PTPRD: variants seen among roughly 807,000 people sequenced by gnomAD.
The protein encoded by PTPRD is protein tyrosine phosphatase receptor type D.
Under a neutral mutation model 214.5 loss-of-function variants are expected in PTPRD, and 34 were observed. The observed-to-expected ratio is 0.16, with a 90% confidence interval of 0.12 to 0.21. PTPRD has a LOEUF of 0.21. PTPRD is among the 10% of genes least tolerant of loss of function. The pLI is 1.00. For missense variants in PTPRD, 2,545 were observed against 2,398.7 expected (o/e 1.06, Z -1.27); for synonymous variants, 1,128 against 845.7 (o/e 1.33, Z -5.79).
At chr9:9,343,642 AC>A (rs1285624799) in intron 9 of PTPRD, among the ~76,000 whole-genome samples, 1 of 152,212 alleles carries the variant, frequency 6.6e-6, no homozygotes, top group Non-Finnish European at 1.5e-5. Context: ...TCCAGTGTCA[AC>A]AAAATCAGAT....
chr9:8,937,370 C>T (rs369936130), intron 11 of PTPRD, among the ~76,000 whole-genome samples: 2 of 152,176 alleles, frequency 1.3e-5, no homozygotes, highest in East Asian at 3.8e-4. Context: ...TTTTCAGAAT[C>T]ACAGTTGAGT....
intron 9 of PTPRD, among the ~76,000 whole-genome samples, chr9:9,354,421 T>C (rs1053623919): frequency 2.0e-5 from 3 of 151,850 alleles, no homozygotes; most frequent in African/African-American, 7.2e-5. Context: ...TAAATGTATA[T>C]TTTATCATAC....
At chr9:9,080,156 A>G (rs2099756995) in intron 10 of PTPRD, among the ~76,000 whole-genome samples, 1 of 152,020 alleles carries the variant, frequency 6.6e-6, no homozygotes, top group East Asian at 1.9e-4. Context: ...TCATTTCTCA[A>G]TTTACATCTC....
At chr9:8,444,492 G>C (rs971567695) in intron 34 of PTPRD, among the ~76,000 whole-genome samples, 17 of 151,884 alleles carry the variant, frequency 1.1e-4, no homozygotes, top group Admixed American at 9.2e-4. Context: ...GACTTAATTG[G>C]AGTAATGACA....
intron 3 of PTPRD, among the ~76,000 whole-genome samples, chr9:10,204,430 C>T (rs1451357446): frequency 1.3e-5 from 2 of 152,066 alleles, no homozygotes; most frequent in African/African-American, 4.8e-5. Flanking sequence ...TTATCACTCC[C>T]ATCTGATGGG....
intron 6 of PTPRD, among the ~76,000 whole-genome samples, chr9:9,745,974 C>A (rs190800785): frequency 6.6e-6 from 1 of 151,972 alleles, no homozygotes; most frequent in East Asian, 1.9e-4. Context: ...ATCTTCATTG[C>A]TTGGGATGGG....
At chr9:9,916,188 G>A (rs997880165) in intron 5 of PTPRD, among the ~76,000 whole-genome samples, 2 of 151,694 alleles carry the variant, frequency 1.3e-5, no homozygotes, top group African/African-American at 2.4e-5. Context: ...AAAACTAAGG[G>A]AACTCATTAC....
At chr9:10,237,571 C>T (rs2099633169) in intron 3 of PTPRD, among the ~76,000 whole-genome samples, 1 of 151,908 alleles carries the variant, frequency 6.6e-6, no homozygotes, top group African/African-American at 2.4e-5. Context: ...ACTCAAAAGA[C>T]ACATGACATG....
chr9:9,977,707 A>T (rs1350192422), intron 4 of PTPRD, among the ~76,000 whole-genome samples: 1 of 152,174 alleles, frequency 6.6e-6, no homozygotes, highest in Middle Eastern at 3.2e-3. Flanking sequence ...ATTATCCAGC[A>T]GGAATAGAAT....
At chr9:10,540,061 C>T (rs1392182909) in intron 2 of PTPRD, among the ~76,000 whole-genome samples, 1 of 152,126 alleles carries the variant, frequency 6.6e-6, no homozygotes, top group Non-Finnish European at 1.5e-5. Flanking sequence ...TGGAGTCTTG[C>T]TCTGTTATTT....
intron 3 of PTPRD, among the ~76,000 whole-genome samples, chr9:10,228,256 C>A (rs979631168): frequency 7.2e-5 from 11 of 151,966 alleles, no homozygotes; most frequent in African/African-American, 2.7e-4. Flanking sequence ...CAACATTGAA[C>A]CTCAAGGAAG....
At chr9:9,092,819 G>A (rs775996128) in intron 10 of PTPRD, among the ~76,000 whole-genome samples, 3 of 151,874 alleles carry the variant, frequency 2.0e-5, no homozygotes, top group African/African-American at 7.2e-5. Context: ...AAAAAATTAT[G>A]ATCATCAACC....
chr9:8,911,157 A>G (rs1350887364), intron 11 of PTPRD, among the ~76,000 whole-genome samples: 1 of 152,246 alleles, frequency 6.6e-6, no homozygotes, highest in East Asian at 1.9e-4. Context: ...AATAGCCAAA[A>G]AATTGAAAAA....
At chr9:8,600,328 T>C (rs1227893011) in intron 14 of PTPRD, among the ~76,000 whole-genome samples, 6 of 152,090 alleles carry the variant, frequency 3.9e-5, no homozygotes, top group Non-Finnish European at 8.8e-5. Flanking sequence ...CCAGGGGCAG[T>C]CTAGGCCACA....
At chr9:9,338,804 T>C (rs1216484603) in intron 9 of PTPRD, among the ~76,000 whole-genome samples, 3 of 152,138 alleles carry the variant, frequency 2.0e-5, no homozygotes, top group African/African-American at 4.8e-5. Flanking sequence ...CAACCCATCA[T>C]CTACATTAGG....
rs71270610 is a variant in PTPRD, at chr9:10,363,991, G to GTTTTTTTT, written c.-599-22982_-599-22975dup. On this transcript the variant is annotated intron_variant, in intron 2 of 45. Transcript: ENST00000381196. The stretch of plus-strand genomic sequence containing the variant: ...ATTATTATTGCCTCCACATTTTCGG[G>GTTTTTTTT]TTTTTTTTTTTTTTTTTTTTTTTTT... Among the ~76,000 whole-genome samples, 278 of 35,000 alleles carry GTTTTTTTT rather than the reference G, an allele frequency of 7.9e-3. 69 individuals carry two copies. The highest frequency in any genetic ancestry group is 0.021 in the African/African-American group (167 of 8,022). 23.0% of individuals were successfully genotyped at this position (35,000 alleles called of 152,430 possible). A position where few individuals can be genotyped will look rare whatever the true frequency, so the allele number is the denominator to read the frequency against.
At chr9:9,415,252 G>C (rs1251692573) in intron 8 of PTPRD, among the ~76,000 whole-genome samples, 2 of 152,128 alleles carry the variant, frequency 1.3e-5, no homozygotes, top group African/African-American at 4.8e-5. Context: ...AAGGCGGGCA[G>C]ATCTCGAGGC....
intron 11 of PTPRD, among the ~76,000 whole-genome samples, chr9:8,928,548 G>T (rs1988423): frequency 0.63 from 94,386 of 150,066 alleles, 30,128 homozygotes; most frequent in East Asian, 0.92. Flanking sequence ...CTCTGTTCTG[G>T]TCCGTTGGTC....
At chr9:10,196,234 TTCTC>T (rs1385439226) in intron 3 of PTPRD, among the ~76,000 whole-genome samples, 3 of 152,184 alleles carry the variant, frequency 2.0e-5, no homozygotes, top group African/African-American at 7.2e-5. Flanking sequence ...GGATCACCAT[TTCTC>T]TCTGAGTTTT....
Sources: allele counts gnomAD v4.1 joint callset (sites outside exome capture counted in the v4.1 genomes callset), GRCh38; gene constraint gnomAD v4.1.1; transcripts MANE v1.5; gene names NCBI Gene and HGNC (gene_info 2026-07-23, HGNC 2026-07-21).